The following CADM2 variants were observed in gnomAD, a reference collection of about 807,000 sequenced individuals.
CADM2 encodes the protein cell adhesion molecule 2, also known as immunoglobulin superfamily member 4D.
Under a neutral mutation model 49.8 loss-of-function variants are expected in CADM2, and 12 were observed. The observed-to-expected ratio is 0.24, with a 90% CI of 0.15 to 0.39. The LOEUF (loss-of-function observed/expected upper bound fraction) is 0.39, where lower values mean the gene tolerates loss of function less well. Ranked by LOEUF, CADM2 falls within the 10% of genes least tolerant of loss-of-function variation. The probability of loss-of-function intolerance (pLI) is 1.00; values close to 1 mark genes in which losing one functional copy is unlikely to be tolerated. For synonymous variants in CADM2, 214 were observed against 175.4 expected (o/e 1.22, Z -1.74); for missense variants, 378 against 492.3 (o/e 0.77, Z 2.20).
chr3:85,134,202 G>T (rs569491011), intron 1 of CADM2, among the ~76,000 whole-genome samples: 1 of 152,324 alleles, frequency 6.6e-6, no homozygotes, highest in Non-Finnish European at 1.5e-5. Context: ...CAGCTGGCCC[G>T]CAAGCGCCGC....
chr3:85,937,055 A>C (rs1223516331), intron 7 of CADM2, among the ~76,000 whole-genome samples: 1 of 151,886 alleles, frequency 6.6e-6, no homozygotes, highest in African/African-American at 2.4e-5. Context: ...CTCAAGTAGC[A>C]TCCAATTGTC....
chr3:85,153,586 C>A (rs1008972869), intron 1 of CADM2, among the ~76,000 whole-genome samples: 1 of 152,184 alleles, frequency 6.6e-6, no homozygotes, highest in Non-Finnish European at 1.5e-5. Flanking sequence ...TGGAGCCCAC[C>A]ACAGCTCAAG....
chr3:85,088,992 G>A (rs974055912), intron 1 of CADM2, among the ~76,000 whole-genome samples: 18 of 152,078 alleles, frequency 1.2e-4, no homozygotes, highest in Non-Finnish European at 1.9e-4. Flanking sequence ...ATCACCTGAT[G>A]ACATGGGAAT....
intron 3 of CADM2, among the ~76,000 whole-genome samples, chr3:85,848,800 TGAACAAC>T (rs1286154573): frequency 2.6e-5 from 4 of 152,222 alleles, no homozygotes; most frequent in African/African-American, 9.6e-5. Context: ...TTTTATTTAA[TGAACAAC>T]TTCATGTTAC....
At chr3:85,019,679 C>T (rs980137867) in intron 1 of CADM2, among the ~76,000 whole-genome samples, 3 of 152,114 alleles carry the variant, frequency 2.0e-5, no homozygotes, top group African/African-American at 7.2e-5. Flanking sequence ...ATTATCCAGG[C>T]AGTACAATTT....
chr3:85,732,094 C>CCAAAA (rs2067956719), intron 2 of CADM2, among the ~76,000 whole-genome samples: 1 of 90,826 alleles, frequency 1.1e-5, no homozygotes, highest in Non-Finnish European at 2.1e-5. Context: ...CTAAGAATAC[C>CCAAAA]AAAAAAAAAA....
chr3:85,581,690 A>G (rs2062803185), intron 1 of CADM2, among the ~76,000 whole-genome samples: 3 of 152,190 alleles, frequency 2.0e-5, no homozygotes, highest in Admixed American at 6.5e-5. Context: ...TTGCTCATAC[A>G]TGGAAAACTG....
At position 85,806,461 on chromosome 3, in the gene CADM2, T is replaced by C. The variant is rs552370360; in HGVS notation, c.238+4265T>C. Among the ~76,000 whole-genome samples the C allele has an allele frequency of 1.1e-4, 16 of 152,246 alleles. No homozygotes were observed. The East Asian group carries it at 3.1e-3, about 29-fold the overall frequency. ...GAAATTCAGGATGGCAGCCCACATG[T>C]CATGTTAGAGTTGGAAAAGCCTTGT... On this transcript the variant is annotated intron_variant, in intron 3 of 9. Transcript: ENST00000383699.
At chr3:86,020,213 A>G (rs1178238482) in intron 8 of CADM2, among the ~76,000 whole-genome samples, 2 of 152,136 alleles carry the variant, frequency 1.3e-5, no homozygotes, top group Admixed American at 6.5e-5. Context: ...AAACACCTCT[A>G]GGCAAATAAA....
intron 1 of CADM2, among the ~76,000 whole-genome samples, chr3:85,513,168 T>A (rs1265812106): frequency 6.6e-6 from 1 of 152,068 alleles, no homozygotes; most frequent in African/African-American, 2.4e-5. Context: ...AATTCAAGTT[T>A]GTAGAAGCAT....
intron 8 of CADM2, among the ~76,000 whole-genome samples, chr3:86,041,098 G>A (rs1260295441): frequency 2.0e-5 from 3 of 152,148 alleles, no homozygotes; most frequent in African/African-American, 7.2e-5. Flanking sequence ...ACGTGGAAAG[G>A]AACAACCGGT....
intron 1 of CADM2, among the ~76,000 whole-genome samples, chr3:85,021,157 G>C (rs75055954): frequency 1.7e-4 from 25 of 148,052 alleles, no homozygotes; most frequent in African/African-American, 5.9e-4. Flanking sequence ...GAAAAAAAGA[G>C]AAGAAAAGAA....
At chr3:85,035,682 C>A (rs1412825131) in intron 1 of CADM2, among the ~76,000 whole-genome samples, 1 of 152,040 alleles carries the variant, frequency 6.6e-6, no homozygotes, top group Non-Finnish European at 1.5e-5. Flanking sequence ...AGAGACTGTT[C>A]TTTCCCTAAG....
At chr3:85,485,065 T>C (rs1406046716) in intron 1 of CADM2, among the ~76,000 whole-genome samples, 1 of 151,744 alleles carries the variant, frequency 6.6e-6, no homozygotes, top group East Asian at 1.9e-4. Context: ...ATAATGACAA[T>C]AAAAGGTGCA....
At chr3:85,306,393 A>G (rs1436563450) in intron 1 of CADM2, among the ~76,000 whole-genome samples, 3 of 151,758 alleles carry the variant, frequency 2.0e-5, no homozygotes, top group Non-Finnish European at 4.4e-5. Flanking sequence ...AATGAAGGAA[A>G]TTGTATTCTA....
intron 1 of CADM2, among the ~76,000 whole-genome samples, chr3:85,534,015 G>A (rs2061374136): frequency 6.6e-6 from 1 of 152,092 alleles, no homozygotes; most frequent in Non-Finnish European, 1.5e-5. Flanking sequence ...TGACATTATG[G>A]TGCAACCCTA....
chr3:85,087,752 T>C (rs145898113), intron 1 of CADM2, among the ~76,000 whole-genome samples: 3 of 152,318 alleles, frequency 2.0e-5, no homozygotes, highest in Admixed American at 1.3e-4. Flanking sequence ...ATAAAACTAT[T>C]CATCATTTTT....
At chr3:85,293,682 A>C (rs1273459010) in intron 1 of CADM2, among the ~76,000 whole-genome samples, 16 of 144,564 alleles carry the variant, frequency 1.1e-4, no homozygotes, top group Non-Finnish European at 3.0e-5. Flanking sequence ...AGCCAAAGAC[A>C]AAAACCACAT....
chr3:85,757,052 G>A (rs1011133605), intron 2 of CADM2, among the ~76,000 whole-genome samples: 1 of 152,094 alleles, frequency 6.6e-6, no homozygotes, highest in African/African-American at 2.4e-5. Flanking sequence ...GAAAGTTGAT[G>A]AATATTGGCT....
Sources: gnomAD v4.1 joint callset for allele counts (sites outside exome capture counted in the v4.1 genomes callset) on GRCh38, gnomAD v4.1.1 for gene constraint, MANE v1.5 for transcripts, NCBI Gene and HGNC (gene_info 2026-07-23, HGNC 2026-07-21) for gene names.